PLA2G12B: variants seen among roughly 807,000 people sequenced by gnomAD.
PLA2G12B encodes the protein phospholipase A2 group XIIB, also known as group XIIB secretory phospholipase A2-like protein.
Under a neutral mutation model 22.3 loss-of-function variants are expected in PLA2G12B, and 19 were observed. The ratio of observed to expected loss-of-function variants is 0.85; its 90% confidence interval spans 0.60 to 1.25. The LOEUF (loss-of-function observed/expected upper bound fraction) is 1.25, where lower values mean the gene tolerates loss of function less well. Among genes scored for constraint, PLA2G12B ranks in the 50% most tolerant of loss-of-function variants. PLA2G12B has a pLI of 0.00. For missense variants in PLA2G12B, 191 were observed against 246.6 expected (o/e 0.77, Z 1.51); for synonymous variants, 81 against 94.9 (o/e 0.85, Z 0.85).
chr10:72,935,693 G>A lies in PLA2G12B; in HGVS notation c.512C>T (p.Thr171Ile). The A allele has an allele frequency of 6.2e-7, 1 of 1,614,152 alleles. No homozygotes were observed. Among genetic ancestry groups the A allele is most frequent in the Non-Finnish European group, 8.5e-7 (1 of 1,180,016 alleles). Residue 171 changes from threonine to isoleucine, a missense_variant, in exon 4 of 4, where the codon ACC (threonine) becomes ATC (isoleucine). Transcript: ENST00000373032. ...ATTCATAAAGGGGCGGCAGCCCAAG[G>A]TCCACACGGTGTTGAACACAGTGTC... ...LVDTVFNTVW[T>I]LGCRPFMNSQ...
At chr10:72,944,015 C>CCTTCCTTT (rs1019898002) in intron 1 of PLA2G12B, among the ~76,000 whole-genome samples, 1,722 of 150,080 alleles carry the variant, frequency 0.011, 39 homozygotes, top group African/African-American at 0.04. Flanking sequence ...TTTCTTCCTT[C>CCTTCCTTT]CTTCCTTTCT....
intron 1 of PLA2G12B, among the ~76,000 whole-genome samples, chr10:72,953,736 C>G (rs779481151): frequency 6.6e-6 from 1 of 152,158 alleles, no homozygotes; most frequent in South Asian, 2.1e-4. Flanking sequence ...TCTGTGTACC[C>G]CCAGCCATAT....
chr10:72,953,638 G>A (rs1429861781), intron 1 of PLA2G12B, among the ~76,000 whole-genome samples: 2 of 152,218 alleles, frequency 1.3e-5, no homozygotes, highest in South Asian at 4.1e-4. Context: ...TTCAAGGCCT[G>A]GGGCTCCACA....
chr10:72,942,247 T>A (rs1205992830), intron 2 of PLA2G12B, among the ~76,000 whole-genome samples: 2 of 151,418 alleles, frequency 1.3e-5, no homozygotes, highest in African/African-American at 4.9e-5. Flanking sequence ...TAACATGAAG[T>A]CAGCTGCTTG....
In PLA2G12B at chr10:72,935,725, G is replaced by C. The variant is rs1846270632; in HGVS notation, c.480C>G (p.Ser160=). ...CGGTGTTGAACACAGTGTCAACCAGGGAATCACAGGCTGCTTGAAAAAGAT... is the reference window on the plus strand; with the variant it reads ...CGGTGTTGAACACAGTGTCAACCAGCGAATCACAGGCTGCTTGAAAAAGAT... The part of the protein sequence containing the change: ...FVSKVEAACD[S]LVDTVFNTVW... The change falls in exon 4 of 4, where the codon TCC becomes TCG. Residue 160 remains serine, a synonymous_variant. Coordinates refer to ENST00000373032, the MANE Select transcript of PLA2G12B (RefSeq NM_032562.5). 18 of 1,613,620 alleles carry C rather than the reference G, an allele frequency of 1.1e-5. No individual in the cohort carries two copies. The highest frequency in any genetic ancestry group is 1.7e-5 in the Admixed American group (1 of 59,908).
chr10:72,950,401 C>A (rs546346845), intron 1 of PLA2G12B, among the ~76,000 whole-genome samples: 1 of 152,288 alleles, frequency 6.6e-6, no homozygotes, highest in South Asian at 2.1e-4. Flanking sequence ...TACAAACTCA[C>A]AGGTTTATAA....
rs747390247 is a variant in PLA2G12B at position 72,935,716 on chromosome 10, G to A, written c.489C>T (p.Asp163=). 4 of 1,614,004 alleles carry A rather than the reference G, an allele frequency of 2.5e-6. No homozygotes were observed. The highest frequency in any genetic ancestry group is 4.5e-5 in the East Asian group (2 of 44,884). ...AGGTCCACACGGTGTTGAACACAGT[G>A]TCAACCAGGGAATCACAGGCTGCTT... The part of the protein sequence containing the change: ...KVEAACDSLV[D]TVFNTVWTLG... Residue 163 remains aspartate, a synonymous_variant, in exon 4 of 4, where the codon GAC becomes GAT. Transcript: ENST00000373032.
chr10:72,936,923 G>A (rs947231206), intron 3 of PLA2G12B, among the ~76,000 whole-genome samples: 6 of 152,190 alleles, frequency 3.9e-5, no homozygotes, highest in East Asian at 3.8e-4. Flanking sequence ...GATTAGGGCC[G>A]GGCACGGTGG....
At chr10:72,939,364 A>G (rs1038300417) in intron 3 of PLA2G12B, among the ~76,000 whole-genome samples, 29 of 152,212 alleles carry the variant, frequency 1.9e-4, no homozygotes, top group African/African-American at 5.8e-4. Flanking sequence ...TGTAGAATCT[A>G]CGAAGGGACA....
At position 72,951,574 on chromosome 10, in the gene PLA2G12B, C is replaced by T. The variant is rs923374330; in HGVS notation, c.211+2901G>A. Among the ~76,000 whole-genome samples, 8 of 151,084 alleles carry T rather than the reference C, an allele frequency of 5.3e-5. No homozygotes were observed. In the East Asian group the frequency reaches 1.6e-3, roughly 30 times the overall value. On this transcript the variant is annotated intron_variant, in intron 1 of 3. Transcript: ENST00000373032. Reference sequence around the variant, plus strand: ...CCAGGTTCACACCATTCTCCTGCCTCAGCCTCCCGAGTAGCTGGAACTACT... The same window carrying T: ...CCAGGTTCACACCATTCTCCTGCCTTAGCCTCCCGAGTAGCTGGAACTACT...
At chr10:72,940,881 A>G (rs1264447542) in intron 3 of PLA2G12B, among the ~76,000 whole-genome samples, 1 of 151,844 alleles carries the variant, frequency 6.6e-6, no homozygotes, top group Non-Finnish European at 1.5e-5. Flanking sequence ...CAGTTGGGCA[A>G]TTCCTTCTCC....
intron 3 of PLA2G12B, among the ~76,000 whole-genome samples, chr10:72,936,129 T>C (rs1008451139): frequency 2.0e-5 from 3 of 152,060 alleles, no homozygotes; most frequent in Admixed American, 1.3e-4. Context: ...TGTTCAAGTA[T>C]TGGATGAACA....
chr10:72,935,540 C>A lies in PLA2G12B; in HGVS notation c.*77G>T. 1 of 1,575,634 alleles carries A rather than the reference C, an allele frequency of 6.3e-7. No individual in the cohort carries two copies. Among genetic ancestry groups the A allele is most frequent in the Non-Finnish European group, 8.6e-7 (1 of 1,158,024 alleles). On this transcript the variant is annotated 3_prime_UTR_variant, in exon 4 of 4. Transcript: ENST00000373032. ...AACTGTTGGAAGAACGAATGAGTCA[C>A]GCTGACTCGAAGACTTGACATCTTG...
chr10:72,953,059 C>T (rs61865778), intron 1 of PLA2G12B, among the ~76,000 whole-genome samples: 2 of 152,294 alleles, frequency 1.3e-5, no homozygotes, highest in Admixed American at 6.5e-5. Context: ...CTGTCCCATC[C>T]GTGCAAACAG....
chr10:72,935,709 A>ACACAGTGTCAACCAGGGAAT lies in PLA2G12B; in HGVS notation c.476_495dup (p.Phe166IlefsTer20). On this transcript the variant is annotated frameshift_variant, in exon 4 of 4. Coordinates refer to ENST00000373032, the MANE Select transcript of PLA2G12B (RefSeq NM_032562.5). LOFTEE classifies it high-confidence loss of function. Reference sequence around the variant, plus strand: ...CAGCCCAAGGTCCACACGGTGTTGAACACAGTGTCAACCAGGGAATCACAG... The same window carrying ACACAGTGTCAACCAGGGAAT: ...CAGCCCAAGGTCCACACGGTGTTGAACACAGTGTCAACCAGGGAATCACAGTGTCAACCAGGGAATCACAG... The ACACAGTGTCAACCAGGGAAT allele has an allele frequency of 1.2e-6, 2 of 1,614,194 alleles. No individual in the cohort carries two copies. Among genetic ancestry groups the ACACAGTGTCAACCAGGGAAT allele is most frequent in the Non-Finnish European group, 1.7e-6 (2 of 1,180,000 alleles).
chr10:72,938,445 C>T lies in PLA2G12B; in HGVS notation c.467-2707G>A, dbSNP rs113085876. On this transcript the variant is annotated intron_variant, in intron 3 of 3. Transcript: ENST00000373032. ...TATATACAAAAAAGCCTATGGAATC[C>T]ATGAAAAAAAATATTAGAACTAAGG... 1.2e-3 allele frequency among the ~76,000 whole-genome samples: 181 copies of T among 151,684 alleles called. 1 individual carries two copies. The highest frequency in any genetic ancestry group is 3.9e-3 in the African/African-American group (163 of 41,382).
At chr10:72,947,550 T>C (rs1846463118) in intron 1 of PLA2G12B, among the ~76,000 whole-genome samples, 1 of 152,168 alleles carries the variant, frequency 6.6e-6, no homozygotes, top group Non-Finnish European at 1.5e-5. Context: ...TTCTTTTTCT[T>C]ATTGAGGTGA....
intron 3 of PLA2G12B, among the ~76,000 whole-genome samples, chr10:72,940,380 T>C (rs986517123): frequency 3.9e-5 from 6 of 152,076 alleles, no homozygotes; most frequent in Non-Finnish European, 7.4e-5. Flanking sequence ...AATTATAGAG[T>C]CGGTGCTAGA....
At position 72,942,725 on chromosome 10, in the gene PLA2G12B, G is replaced by A. The variant is rs768594562; in HGVS notation, c.227C>T (p.Pro76Leu). The A allele has an allele frequency of 6.2e-7, 1 of 1,603,500 alleles. No homozygotes were observed. The highest frequency in any genetic ancestry group is 1.1e-5 in the South Asian group (1 of 88,784). ...YRCRYGKAPM[P>L]RPGYKPQEPN... is the part of the protein sequence containing the mutation. ...CTCTTGGGGCTTGTAGCCAGGTCTGGGCATTGGTGCCTTTCCTTGCAGGAG... is the reference window on the plus strand; with the variant it reads ...CTCTTGGGGCTTGTAGCCAGGTCTGAGCATTGGTGCCTTTCCTTGCAGGAG... Residue 76 changes from proline (P) to leucine (L), a missense_variant, in exon 2 of 4, where the codon CCC becomes CTC. By Grantham distance (98) the Pro-to-Leu change is moderately conservative (BLOSUM62 -3). Coordinates refer to ENST00000373032, the MANE Select transcript of PLA2G12B (RefSeq NM_032562.5).
Sources: gnomAD v4.1 joint callset for allele counts (sites outside exome capture counted in the v4.1 genomes callset) on GRCh38, gnomAD v4.1.1 for gene constraint, MANE v1.5 for transcripts, NCBI Gene and HGNC (gene_info 2026-07-23, HGNC 2026-07-21) for gene names.